Variants in DPP6 observed in about 807,000 individuals in gnomAD.
DPP6 encodes the protein dipeptidyl peptidase like 6.
A neutral mutation model predicts 122.6 loss-of-function variants in DPP6; 69 were observed. The ratio of observed to expected loss-of-function variants is 0.56; its 90% CI spans 0.46 to 0.69. DPP6 has a LOEUF of 0.69. Ranked by LOEUF, DPP6 falls within the 30% of genes least tolerant of loss-of-function variation. The probability of loss-of-function intolerance (pLI) is 0.00; values close to 1 mark genes in which losing one functional copy is unlikely to be tolerated. For missense variants in DPP6, 928 were observed against 1,116.9 expected, an observed-to-expected ratio of 0.83 and a Z score of 2.41; for synonymous variants, 418 against 433.1, an observed-to-expected ratio of 0.97 and a Z score of 0.43.
chr7:154,590,159 A>G lies in DPP6; in HGVS notation c.627+23243A>G, dbSNP rs1228984596. 1.1e-4 allele frequency among the ~76,000 whole-genome samples: 17 copies of G among 152,272 alleles called. No individual in the cohort carries two copies. In the East Asian group the frequency reaches 2.7e-3, roughly 24 times the overall value. On this transcript the variant is annotated intron_variant, in intron 5 of 25. Coordinates refer to ENST00000377770, the MANE Select transcript of DPP6 (RefSeq NM_130797.4). ...CCACTAGTTTATTATAATAAGATGT[A>G]CAAAGCAAGGCAGATGACCCTGCAG...
intron 1 of DPP6, among the ~76,000 whole-genome samples, chr7:153,898,351 C>T (rs112388088): frequency 0.067 from 10,144 of 152,114 alleles, 385 homozygotes; most frequent in Admixed American, 0.11. Flanking sequence ...ACTTGGGAGG[C>T]TTAGGTGCAA....
the DPP6 span, among the ~76,000 whole-genome samples, chr7:153,781,977 TACACACACACACACACACACAC>T: frequency 1.1e-5 from 1 of 89,812 alleles, no homozygotes; most frequent in South Asian, 4.3e-4. Context: ...CCCCAGAGAA[TACACACACACACACACACACAC>T]ACACACACAC....
intron 1 of DPP6, among the ~76,000 whole-genome samples, chr7:154,223,285 A>G (rs946768463): frequency 6.7e-6 from 1 of 149,388 alleles, no homozygotes; most frequent in Non-Finnish European, 1.5e-5. Context: ...TGTGCTTACT[A>G]CCCATTCATT....
intron 1 of DPP6, among the ~76,000 whole-genome samples, chr7:154,363,773 T>G (rs1289786419): frequency 6.6e-6 from 1 of 152,266 alleles, no homozygotes; most frequent in Non-Finnish European, 1.5e-5. Flanking sequence ...CTCTTATTTT[T>G]ATTTAGCCTA....
chr7:153,875,200 A>G, the DPP6 span, among the ~76,000 whole-genome samples: 2 of 152,226 alleles, frequency 1.3e-5, no homozygotes, highest in African/African-American at 4.8e-5. Flanking sequence ...GAAGATGGAG[A>G]CATGACATTG....
chr7:154,767,490 G>C (rs563621367), intron 8 of DPP6, among the ~76,000 whole-genome samples: 2 of 152,046 alleles, frequency 1.3e-5, no homozygotes, highest in Non-Finnish European at 2.9e-5. Context: ...GCACCTGAAC[G>C]TCCACCTCCT....
intron 1 of DPP6, among the ~76,000 whole-genome samples, chr7:154,197,900 A>G (rs1476900328): frequency 1.3e-5 from 2 of 152,210 alleles, no homozygotes; most frequent in Non-Finnish European, 2.9e-5. Context: ...TCCACCTGGA[A>G]GACCTAGAAT....
chr7:153,966,703 C>A (rs2628868), intron 1 of DPP6, among the ~76,000 whole-genome samples: 16 of 151,506 alleles, frequency 1.1e-4, no homozygotes, highest in Admixed American at 2.0e-4. Context: ...GGATGTGAGA[C>A]TTGTAAAAAC....
intron 7 of DPP6, among the ~76,000 whole-genome samples, chr7:154,708,408 C>T (rs1193413398): frequency 6.6e-6 from 1 of 152,204 alleles, no homozygotes; most frequent in African/African-American, 2.4e-5. Context: ...GCATTCTTAG[C>T]AGTGCTGGGT....
intron 1 of DPP6, among the ~76,000 whole-genome samples, chr7:154,382,697 A>T (rs1813732768): frequency 6.6e-6 from 1 of 152,002 alleles, no homozygotes; most frequent in East Asian, 1.9e-4. Flanking sequence ...TTCCTTGTTC[A>T]CATGTGGTTG....
At chr7:154,271,478 G>C (rs944415564) in intron 1 of DPP6, among the ~76,000 whole-genome samples, 7 of 152,204 alleles carry the variant, frequency 4.6e-5, no homozygotes, top group Admixed American at 4.6e-4. Flanking sequence ...GCCAGCAGTG[G>C]TAATGAGGAC....
rs767631675 is a variant in DPP6, at chr7:154,265,847, A to G, written c.244-180367A>G. On this transcript the variant is annotated intron_variant, in intron 1 of 25. Transcript: ENST00000377770. ...CACCCTGGCCTTTCATTGTTACTTG[A>G]CTGGCTGTTACTTTGGTCCTATTTT... Among the ~76,000 whole-genome samples the G allele has an allele frequency of 4.1e-4, 63 of 152,316 alleles. 1 individual carries two copies. The highest frequency in any genetic ancestry group is 7.6e-4 in the Non-Finnish European group (52 of 68,032).
At chr7:154,028,116 A>G (rs1195962102) in intron 1 of DPP6, among the ~76,000 whole-genome samples, 3 of 151,874 alleles carry the variant, frequency 2.0e-5, no homozygotes, top group South Asian at 2.1e-4. Flanking sequence ...CCACCCTCGC[A>G]TGGCTGTGGA....
At chr7:153,989,865 C>T (rs1797066675) in intron 1 of DPP6, among the ~76,000 whole-genome samples, 2 of 151,826 alleles carry the variant, frequency 1.3e-5, no homozygotes, top group African/African-American at 4.8e-5. Context: ...CTGCAAGATG[C>T]AAGGAGGCCC....
At chr7:154,574,481 G>A (rs1449286268) in intron 5 of DPP6, among the ~76,000 whole-genome samples, 4 of 141,078 alleles carry the variant, frequency 2.8e-5, no homozygotes, top group Non-Finnish European at 6.1e-5. Context: ...TGTGTGTGGT[G>A]TGTGTATGTG....
At chr7:153,809,514 A>G in the DPP6 span, among the ~76,000 whole-genome samples, 1 of 152,160 alleles carries the variant, frequency 6.6e-6, no homozygotes, top group Non-Finnish European at 1.5e-5. Context: ...GCTCAGTGGT[A>G]ACACTTCCGT....
intron 16 of DPP6, among the ~76,000 whole-genome samples, chr7:154,842,457 C>T (rs926414475): frequency 6.6e-6 from 1 of 152,172 alleles, no homozygotes; most frequent in Non-Finnish European, 1.5e-5. Context: ...ATTTCTCCCT[C>T]CAGTTGAGCA....
At chr7:154,402,912 T>C (rs1815763133) in intron 1 of DPP6, among the ~76,000 whole-genome samples, 1 of 152,114 alleles carries the variant, frequency 6.6e-6, no homozygotes, top group Non-Finnish European at 1.5e-5. Flanking sequence ...GATTTGCATG[T>C]GACAAAACTG....
intron 1 of DPP6, among the ~76,000 whole-genome samples, chr7:153,967,220 G>A (rs972833760): frequency 2.0e-5 from 3 of 152,174 alleles, no homozygotes; most frequent in African/African-American, 7.2e-5. Context: ...TGCTGGGGAT[G>A]CTGGTGGCTT....
Sources: gnomAD v4.1 joint callset for allele counts (sites outside exome capture counted in the v4.1 genomes callset) on GRCh38, gnomAD v4.1.1 for gene constraint, MANE v1.5 for transcripts, NCBI Gene and HGNC (gene_info 2026-07-23, HGNC 2026-07-21) for gene names.